The following TNR variants were observed in gnomAD, a reference collection of about 807,000 sequenced individuals.
TNR encodes the protein tenascin R.
A neutral mutation model predicts 150.4 loss-of-function variants in TNR; 45 were observed. The ratio of observed to expected loss-of-function variants is 0.30; its 90% CI spans 0.24 to 0.38. TNR has a LOEUF of 0.38. TNR is among the 10% of genes least tolerant of loss of function. TNR has a pLI of 1.00. For missense variants in TNR, 1,544 were observed against 1,759.1 expected (o/e 0.88, Z 2.19); for synonymous variants, 687 against 678.4 (o/e 1.01, Z -0.20).
At chr1:175,441,736 A>G (rs1282967287) in intron 2 of TNR, among the ~76,000 whole-genome samples, 1 of 152,112 alleles carries the variant, frequency 6.6e-6, no homozygotes, top group Non-Finnish European at 1.5e-5. Context: ...CCTGAGTAGG[A>G]CCATGTCCTG....
At chr1:175,396,886 T>A in intron 4 of TNR, 79 bp from the exon 5 acceptor site, 26 of 1,537,382 alleles carry the variant, frequency 1.7e-5, no homozygotes, top group Non-Finnish European at 2.3e-5. Flanking sequence ...CTTCCTCACA[T>A]CTCACCCCCC....
rs560700051 is a variant in TNR at position 175,604,628 on chromosome 1, T to G, written c.-164-76259A>C. On this transcript the variant is annotated intron_variant, in intron 1 of 22. Coordinates refer to ENST00000367674, the MANE Select transcript of TNR (RefSeq NM_003285.3). ...GCTCCAGTTTTTTGAGAATCTATCTTTATGCCATCCTCTCTCCTCCTCTCC... is the reference window on the plus strand; with the variant it reads ...GCTCCAGTTTTTTGAGAATCTATCTGTATGCCATCCTCTCTCCTCCTCTCC... Among the ~76,000 whole-genome samples, 9 of 152,308 alleles carry G rather than the reference T, an allele frequency of 5.9e-5. No individual in the cohort carries two copies. The South Asian group carries it at 1.7e-3, about 28-fold the overall frequency.
At chr1:175,337,875 TATC>T (rs368286381) in intron 18 of TNR, among the ~76,000 whole-genome samples, 196 bp from the exon 19 acceptor site, 21 of 152,336 alleles carry the variant, frequency 1.4e-4, no homozygotes, top group African/African-American at 5.1e-4. Flanking sequence ...TTGTTAGACT[TATC>T]AGACAACATA....
intron 2 of TNR, among the ~76,000 whole-genome samples, chr1:175,407,498 G>C (rs1654018436): frequency 6.6e-6 from 1 of 152,070 alleles, no homozygotes; most frequent in Non-Finnish European, 1.5e-5. Flanking sequence ...TAGTCACCAA[G>C]AACCATAGAG....
At chr1:175,635,233 C>G (rs937028440) in intron 1 of TNR, among the ~76,000 whole-genome samples, 1 of 152,214 alleles carries the variant, frequency 6.6e-6, no homozygotes, top group Non-Finnish European at 1.5e-5. Context: ...CTGGGCATAT[C>G]TGGAAGGTTT....
chr1:175,676,936 G>A (rs1571741789), intron 1 of TNR, among the ~76,000 whole-genome samples: 1 of 152,204 alleles, frequency 6.6e-6, no homozygotes, highest in Admixed American at 6.5e-5. Flanking sequence ...CTGGGAGGAG[G>A]CAAGCATTGT....
intron 2 of TNR, among the ~76,000 whole-genome samples, chr1:175,416,631 G>A (rs1325341947): frequency 6.6e-6 from 1 of 152,160 alleles, no homozygotes; most frequent in East Asian, 1.9e-4. Context: ...TTGCAAGAAA[G>A]TTTGCCAGCC....
intron 3 of TNR, among the ~76,000 whole-genome samples, chr1:175,404,176 G>A (rs1653848317): frequency 6.6e-6 from 1 of 152,174 alleles, no homozygotes. Context: ...CCAACAAACT[G>A]AGGACAGCCT....
chr1:175,360,073 C>A (rs533238144), intron 14 of TNR, among the ~76,000 whole-genome samples: 48 of 152,332 alleles, frequency 3.2e-4, no homozygotes, highest in African/African-American at 1.1e-3. Context: ...CTAGATGGAG[C>A]AACCAAGAAC....
intron 18 of TNR, among the ~76,000 whole-genome samples, chr1:175,344,314 T>C (rs1650669068): frequency 6.6e-6 from 1 of 152,194 alleles, no homozygotes; most frequent in Non-Finnish European, 1.5e-5. Flanking sequence ...GAACCTTTGT[T>C]ACTAGGCATG....
intron 2 of TNR, among the ~76,000 whole-genome samples, chr1:175,410,689 T>C (rs1654174809): frequency 6.6e-6 from 1 of 152,218 alleles, no homozygotes; most frequent in African/African-American, 2.4e-5. Flanking sequence ...TCTGGGCTGG[T>C]ACATTAACAT....
chr1:175,564,460 A>T (rs1022734671), intron 1 of TNR, among the ~76,000 whole-genome samples: 19 of 152,298 alleles, frequency 1.2e-4, no homozygotes, highest in Non-Finnish European at 2.2e-4. Flanking sequence ...TAATCCACTT[A>T]ATCAGTAAAT....
Position 175,418,649 on chromosome 1 carries a change from G to A in TNR, c.-63-11872C>T, listed in dbSNP as rs776966587. On this transcript the variant is annotated intron_variant, in intron 2 of 22. Transcript: ENST00000367674. Reference sequence around the variant, plus strand: ...AGGCATGAGAGAATTGCTTGAACCCGGGAGGCGGAGGTTGCAGTGAGCCGA... The same window carrying A: ...AGGCATGAGAGAATTGCTTGAACCCAGGAGGCGGAGGTTGCAGTGAGCCGA... 4.2e-4 allele frequency among the ~76,000 whole-genome samples: 64 copies of A among 152,176 alleles called. No homozygotes were observed. In the Middle Eastern group the frequency reaches 0.014, roughly 32 times the overall value.
intron 1 of TNR, among the ~76,000 whole-genome samples, chr1:175,737,296 G>A (rs1026376949): frequency 6.6e-6 from 1 of 152,124 alleles, no homozygotes; most frequent in African/African-American, 2.4e-5. Context: ...GTAAAACGGG[G>A]ACAATAGTAT....
At chr1:175,588,724 A>G (rs1453142159) in intron 1 of TNR, among the ~76,000 whole-genome samples, 1 of 152,164 alleles carries the variant, frequency 6.6e-6, no homozygotes, top group East Asian at 1.9e-4. Context: ...TTTGAAAATC[A>G]TACTGTTATA....
intron 2 of TNR, among the ~76,000 whole-genome samples, chr1:175,475,905 C>T (rs1055170875): frequency 2.0e-5 from 3 of 152,204 alleles, no homozygotes; most frequent in Non-Finnish European, 4.4e-5. Context: ...TATCTAACTT[C>T]CCCTCTAACC....
rs1005357344 is a variant in TNR, at chr1:175,523,103, G to T, written c.-64+5166C>A. ...GCATATTTCTCAATATTTGTACATG[G>T]TTTTCATATTCAATCAATACAATCA... On this transcript the variant is annotated intron_variant, in intron 2 of 22. Coordinates refer to ENST00000367674, the MANE Select transcript of TNR (RefSeq NM_003285.3). 2.6e-5 allele frequency among the ~76,000 whole-genome samples: 4 copies of T among 152,062 alleles called. No homozygotes were observed. In the East Asian group the frequency reaches 5.8e-4, roughly 22 times the overall value.
intron 2 of TNR, among the ~76,000 whole-genome samples, chr1:175,519,548 C>T (rs921872486): frequency 6.6e-6 from 1 of 152,206 alleles, no homozygotes; most frequent in African/African-American, 2.4e-5. Flanking sequence ...TTCATTACCT[C>T]AAGCTCTTCC....
At chr1:175,438,184 T>G (rs556337405) in intron 2 of TNR, among the ~76,000 whole-genome samples, 1 of 152,160 alleles carries the variant, frequency 6.6e-6, no homozygotes, top group Non-Finnish European at 1.5e-5. Flanking sequence ...TCCACCATAA[T>G]CAAGTGGGCT....
Sources: allele counts gnomAD v4.1 joint callset (sites outside exome capture counted in the v4.1 genomes callset), GRCh38; gene constraint gnomAD v4.1.1; transcripts MANE v1.5; gene names NCBI Gene and HGNC (gene_info 2026-07-23, HGNC 2026-07-21).